The following SHANK2 variants were observed in gnomAD, a reference collection of about 807,000 sequenced individuals.
The protein encoded by SHANK2 is SH3 and multiple ankyrin repeat domains protein 2.
In SHANK2, 43 loss-of-function variants were observed where a neutral mutation model predicts 133.7. The observed-to-expected ratio is 0.32, with a 90% CI of 0.25 to 0.41. The LOEUF (loss-of-function observed/expected upper bound fraction) is 0.41, where lower values mean the gene tolerates loss of function less well. Ranked by LOEUF, SHANK2 falls within the 10% of genes least tolerant of loss-of-function variation. SHANK2 has a pLI of 1.00. For missense variants in SHANK2, 1,994 were observed against 2,235.8 expected (o/e 0.89, Z 2.18); for synonymous variants, 1,017 against 952.8 (o/e 1.07, Z -1.24).
intron 10 of SHANK2, among the ~76,000 whole-genome samples, chr11:70,916,081 G>T (rs1355704700): frequency 6.6e-6 from 1 of 152,172 alleles, no homozygotes; most frequent in Non-Finnish European, 1.5e-5. Flanking sequence ...CTGCAGAAAA[G>T]AATTAGAGAA....
chr11:70,897,808 T>G (rs1467945287), intron 10 of SHANK2, among the ~76,000 whole-genome samples: 1 of 152,162 alleles, frequency 6.6e-6, no homozygotes, highest in Admixed American at 6.5e-5. Flanking sequence ...CAGAAAGTCT[T>G]CGCTCTTCAG....
rs1366336098 is a variant in SHANK2 at position 70,955,666 on chromosome 11, G to A, written c.1108-59099C>T. On this transcript the variant is annotated intron_variant, in intron 10 of 25. Coordinates refer to ENST00000601538, the MANE Select transcript of SHANK2 (RefSeq NM_012309.5). The stretch of plus-strand genomic sequence containing the variant: ...GGCAGCAGGCTGGAAACTCAGGCAG[G>A]AGTTGATGCTGCAGTCTTAGGGCAG... Among the ~76,000 whole-genome samples the A allele has an allele frequency of 2.6e-5, 4 of 152,026 alleles. No individual in the cohort carries two copies. In the East Asian group the frequency reaches 7.7e-4, roughly 29 times the overall value.
At chr11:70,644,316 C>T (rs367948841) in intron 17 of SHANK2, among the ~76,000 whole-genome samples, 134 of 152,306 alleles carry the variant, frequency 8.8e-4, no homozygotes, top group African/African-American at 3.0e-3. Context: ...CCATTACACA[C>T]GAACTCCCCA....
At chr11:70,822,335 C>A (rs782663462) in intron 11 of SHANK2, among the ~76,000 whole-genome samples, 11 of 152,248 alleles carry the variant, frequency 7.2e-5, no homozygotes, top group East Asian at 1.9e-4. Context: ...TCTGGGGGAA[C>A]CTTCATGCCT....
chr11:71,090,519 C>T (rs1162030045), intron 8 of SHANK2, among the ~76,000 whole-genome samples: 18 of 6,758 alleles, frequency 2.7e-3, no homozygotes, highest in Admixed American at 6.5e-3. Context: ...TCAGCCAGGG[C>T]TCTCCAGAGA....
chr11:70,605,017 T>G (rs2060555834), intron 17 of SHANK2, among the ~76,000 whole-genome samples: 2 of 152,160 alleles, frequency 1.3e-5, no homozygotes, highest in Admixed American at 1.3e-4. Context: ...GGCTCTACAG[T>G]CAGGACCAGA....
At chr11:70,954,986 A>G (rs1262699798) in intron 10 of SHANK2, among the ~76,000 whole-genome samples, 2 of 152,218 alleles carry the variant, frequency 1.3e-5, no homozygotes, top group African/African-American at 4.8e-5. Flanking sequence ...GGGTGCCCCC[A>G]TGCACTGAAA....
chr11:70,665,704 A>G (rs1254457119), intron 15 of SHANK2, among the ~76,000 whole-genome samples: 1 of 152,162 alleles, frequency 6.6e-6, no homozygotes, highest in Non-Finnish European at 1.5e-5. Flanking sequence ...TTGACTACTT[A>G]CAGCCTCAAT....
intron 11 of SHANK2, among the ~76,000 whole-genome samples, chr11:70,887,284 CTG>C (rs3064223): frequency 0.7 from 105,876 of 151,772 alleles, 42,492 homozygotes; most frequent in Non-Finnish European, 0.88. Context: ...CAAGGATTAA[CTG>C]TGGTATTCAC....
intron 8 of SHANK2, among the ~76,000 whole-genome samples, chr11:71,076,702 G>C (rs1470558495): frequency 6.6e-6 from 1 of 152,126 alleles, no homozygotes; most frequent in Non-Finnish European, 1.5e-5. Flanking sequence ...TTTGCCTTTG[G>C]GGGCTACCCC....
chr11:70,709,856 G>A (rs1945741791), intron 14 of SHANK2, among the ~76,000 whole-genome samples: 1 of 152,130 alleles, frequency 6.6e-6, no homozygotes, highest in Admixed American at 6.5e-5. Flanking sequence ...GCCAGCCGCA[G>A]GCCTCAGGTC....
chr11:71,199,453 G>C (rs2135621068), intron 2 of SHANK2, among the ~76,000 whole-genome samples: 1 of 152,348 alleles, frequency 6.6e-6, no homozygotes. Flanking sequence ...AGCTACACGT[G>C]ACCACTCAGT....
rs550133907 is a variant in SHANK2 at position 71,202,126 on chromosome 11, T to G, written c.-13+22571A>C. On this transcript the variant is annotated intron_variant, in intron 2 of 25. Transcript: ENST00000601538. ...GCCAAGTGAATGAATGGCTGCTTGA[T>G]GATGAGGGTGCAAGGTGCACAAACA... 2.6e-5 allele frequency among the ~76,000 whole-genome samples: 4 copies of G among 152,354 alleles called. No homozygotes were observed. In the South Asian group the frequency reaches 8.3e-4, roughly 32 times the overall value.
At chr11:71,110,923 C>G (rs1019293493) in intron 5 of SHANK2, among the ~76,000 whole-genome samples, 1 of 152,218 alleles carries the variant, frequency 6.6e-6, no homozygotes, top group East Asian at 1.9e-4. Context: ...GGATGAAGCC[C>G]TCGTGAATGG....
At chr11:71,158,263 G>A (rs1333103986) in intron 2 of SHANK2, among the ~76,000 whole-genome samples, 13 of 151,996 alleles carry the variant, frequency 8.6e-5, no homozygotes, top group Admixed American at 7.9e-4. Context: ...TTAAAAAAAA[G>A]TCCAGCAAAA....
At chr11:70,607,741 GT>G (rs2060598422) in intron 17 of SHANK2, among the ~76,000 whole-genome samples, 1 of 152,244 alleles carries the variant, frequency 6.6e-6, no homozygotes. Flanking sequence ...TGAGCAGGCA[GT>G]GGCCAGCTCT....
chr11:70,742,125 C>A (rs989416272), intron 14 of SHANK2, among the ~76,000 whole-genome samples: 54 of 152,216 alleles, frequency 3.5e-4, no homozygotes, highest in African/African-American at 1.2e-3. Context: ...ATTCTGACAA[C>A]TTCCAAACCC....
chr11:70,501,800 C>T, intron 20 of SHANK2, 123 bp downstream of exon 20: 1 of 995,162 alleles, frequency 1.0e-6, no homozygotes, highest in Non-Finnish European at 1.5e-6. Context: ...ATGGAGCCTT[C>T]TGGTCTGAGC....
At chr11:70,912,424 G>A (rs1950209142) in intron 10 of SHANK2, among the ~76,000 whole-genome samples, 1 of 152,112 alleles carries the variant, frequency 6.6e-6, no homozygotes, top group South Asian at 2.1e-4. Context: ...GAATCACGGG[G>A]GCCGGTCTTT....
Sources: allele counts gnomAD v4.1 joint callset (sites outside exome capture counted in the v4.1 genomes callset), GRCh38; gene constraint gnomAD v4.1.1; transcripts MANE v1.5; gene names NCBI Gene and HGNC (gene_info 2026-07-23, HGNC 2026-07-21).